Variants in UIMC1 observed in about 807,000 individuals in gnomAD.
The protein encoded by UIMC1 is BRCA1-A complex subunit RAP80.
UIMC1 carries 42 observed loss-of-function variants against 84.9 expected under a neutral mutation model. The observed-to-expected ratio is 0.49, with a 90% CI of 0.39 to 0.64. The LOEUF is 0.64. UIMC1 is among the 30% of genes least tolerant of loss of function. The pLI is 0.00. For missense variants in UIMC1, 825 were observed against 847.6 expected, an observed-to-expected ratio of 0.97 and a Z score of 0.33; for synonymous variants, 281 against 293.0, an observed-to-expected ratio of 0.96 and a Z score of 0.42.
intron 6 of UIMC1, among the ~76,000 whole-genome samples, chr5:176,963,923 T>C (rs770740952): frequency 6.6e-6 from 1 of 152,100 alleles, no homozygotes; most frequent in Non-Finnish European, 1.5e-5. Context: ...CACATTAACA[T>C]ACTACCCCTT....
In UIMC1 at chr5:176,905,221, C is replaced by T. The variant is rs574892513; in HGVS notation, c.*61G>A. ...AACAATGAACTAGGGACCACTATGGCTTAATGAACATGGCCCACCCCTCCT... is the reference window on the plus strand; with the variant it reads ...AACAATGAACTAGGGACCACTATGGTTTAATGAACATGGCCCACCCCTCCT... On this transcript the variant is annotated 3_prime_UTR_variant, in exon 15 of 15. Coordinates refer to ENST00000511320, the MANE Select transcript of UIMC1 (RefSeq NM_001199298.2). 94 of 1,572,170 alleles carry T rather than the reference C, an allele frequency of 6.0e-5. No individual in the cohort carries two copies. Among genetic ancestry groups the T allele is most frequent in the Non-Finnish European group, 8.0e-5 (92 of 1,151,890 alleles).
intron 6 of UIMC1, among the ~76,000 whole-genome samples, chr5:176,965,577 C>T (rs907352986): frequency 9.2e-5 from 14 of 152,174 alleles, no homozygotes; most frequent in Non-Finnish European, 1.9e-4. Context: ...CCTGCTTCAG[C>T]TTCCCAAAAT....
chr5:177,002,740 G>A (rs1170052775), intron 1 of UIMC1, among the ~76,000 whole-genome samples: 3 of 152,186 alleles, frequency 2.0e-5, no homozygotes, highest in Non-Finnish European at 4.4e-5. Flanking sequence ...GGAGCTTGCA[G>A]TGAGCGGAGA....
intron 9 of UIMC1, among the ~76,000 whole-genome samples, chr5:176,951,024 CTT>C (rs762406214): frequency 4.6e-5 from 7 of 151,958 alleles, no homozygotes; most frequent in Non-Finnish European, 8.8e-5. Flanking sequence ...GCTATCTTGA[CTT>C]TGCATTTCTG....
chr5:176,969,471 ACTT>A, intron 5 of UIMC1, 127 bp downstream of exon 5: 13 of 1,271,274 alleles, frequency 1.0e-5, no homozygotes, highest in Non-Finnish European at 1.4e-5. Flanking sequence ...GATCTCAACT[ACTT>A]CCTGATTTAA....
At chr5:176,939,264 AAAAAAAAAG>A (rs1384710158) in intron 10 of UIMC1, among the ~76,000 whole-genome samples, 1 of 151,454 alleles carries the variant, frequency 6.6e-6, no homozygotes, top group Non-Finnish European at 1.5e-5. Flanking sequence ...CTCAAAAAAA[AAAAAAAAAG>A]AAAAAAAAAG....
upstream of UIMC1, among the ~76,000 whole-genome samples, chr5:177,008,664 T>C (rs1465387931): frequency 6.6e-6 from 1 of 152,172 alleles, no homozygotes; most frequent in Non-Finnish European, 1.5e-5. Flanking sequence ...GCAGGCAGCC[T>C]GTAAGATGGC....
chr5:176,957,791 T>C (rs374869636), intron 7 of UIMC1, among the ~76,000 whole-genome samples: 1 of 152,254 alleles, frequency 6.6e-6, no homozygotes, highest in East Asian at 1.9e-4. Flanking sequence ...ACTAGTGTAA[T>C]TAGTTAAGAG....
At chr5:176,914,244 A>G (rs1423423262) in intron 10 of UIMC1, among the ~76,000 whole-genome samples, 1 of 151,992 alleles carries the variant, frequency 6.6e-6, no homozygotes, top group South Asian at 2.1e-4. Flanking sequence ...GATCATCTGC[A>G]GTCTTAACTG....
chr5:176,988,359 T>C (rs1377200282), intron 1 of UIMC1, among the ~76,000 whole-genome samples: 1 of 152,200 alleles, frequency 6.6e-6, no homozygotes, highest in East Asian at 1.9e-4. Flanking sequence ...GAATGAAGTA[T>C]TAATACATGC....
intron 1 of UIMC1, among the ~76,000 whole-genome samples, chr5:177,000,903 G>C (rs556740167): frequency 2.6e-5 from 4 of 151,932 alleles, no homozygotes; most frequent in Admixed American, 6.6e-5. Flanking sequence ...TATACATTCC[G>C]GTTATTAATC....
intron 1 of UIMC1, among the ~76,000 whole-genome samples, chr5:177,014,769 C>T (rs1337906132): frequency 6.6e-6 from 1 of 152,034 alleles, no homozygotes; most frequent in African/African-American, 2.4e-5. Context: ...AAAGGATTCC[C>T]CAGTTGGAGA....
chr5:176,961,932 G>C lies in UIMC1; in HGVS notation c.1201-3778C>G, dbSNP rs1767517340. On this transcript the variant is annotated intron_variant, in intron 6 of 14. Coordinates refer to ENST00000511320, the MANE Select transcript of UIMC1 (RefSeq NM_001199298.2). ...CCCGCCCGGCCAGCCGCCCCGTCCG[G>C]GAGGGAGGTGGGGGTGTCGGCCCCC... Among the ~76,000 whole-genome samples, 7 of 64,178 alleles carry C rather than the reference G, an allele frequency of 1.1e-4. No individual in the cohort carries two copies. In the South Asian group the frequency reaches 2.0e-3, roughly 18 times the overall value. 42.1% of individuals were successfully genotyped at this position (64,178 alleles called of 152,430 possible).
chr5:177,016,016 G>A (rs909004189), intron 1 of UIMC1, among the ~76,000 whole-genome samples: 19 of 152,092 alleles, frequency 1.2e-4, no homozygotes, highest in Admixed American at 1.2e-3. Context: ...GCAGTGAGCC[G>A]AGACCACGCT....
intron 3 of UIMC1, among the ~76,000 whole-genome samples, chr5:176,973,603 A>T (rs1363711138): frequency 6.6e-6 from 1 of 151,822 alleles, no homozygotes; most frequent in Non-Finnish European, 1.5e-5. Context: ...AGAAAAGAAA[A>T]AAATAAATTT....
chr5:176,914,782 A>C (rs1231504451), intron 10 of UIMC1, among the ~76,000 whole-genome samples: 2 of 152,246 alleles, frequency 1.3e-5, no homozygotes, highest in Non-Finnish European at 2.9e-5. Flanking sequence ...AAATGATCTA[A>C]GGTTCCTTCC....
chr5:176,998,505 C>T (rs1030981490), intron 1 of UIMC1, among the ~76,000 whole-genome samples: 11 of 138,820 alleles, frequency 7.9e-5, no homozygotes, highest in Admixed American at 5.3e-4. Flanking sequence ...CAGTGGCTCA[C>T]GCCTGTAATC....
intron 9 of UIMC1, among the ~76,000 whole-genome samples, chr5:176,945,429 C>T (rs1025036196): frequency 6.6e-6 from 1 of 152,162 alleles, no homozygotes; most frequent in Non-Finnish European, 1.5e-5. Context: ...AGATGAAATG[C>T]TCCTGATTAT....
At chr5:176,920,322 C>T (rs1449013180) in intron 10 of UIMC1, among the ~76,000 whole-genome samples, 1 of 152,166 alleles carries the variant, frequency 6.6e-6, no homozygotes, top group South Asian at 2.1e-4. Flanking sequence ...GCCACCATGC[C>T]CAGCCTAGCT....
Sources: gnomAD v4.1 joint callset for allele counts (sites outside exome capture counted in the v4.1 genomes callset) on GRCh38, gnomAD v4.1.1 for gene constraint, MANE v1.5 for transcripts, NCBI Gene and HGNC (gene_info 2026-07-23, HGNC 2026-07-21) for gene names.